The following PDE7B variants were observed in gnomAD, a reference collection of about 807,000 sequenced individuals.
PDE7B encodes phosphodiesterase 7B.
A neutral mutation model predicts 56.2 loss-of-function variants in PDE7B; 29 were observed. That is an observed-to-expected ratio of 0.52 (90% CI 0.38 to 0.70). The LOEUF is 0.70. PDE7B is among the 30% of genes least tolerant of loss of function. The probability of loss-of-function intolerance (pLI) is 0.00; values close to 1 mark genes in which losing one functional copy is unlikely to be tolerated. For missense variants in PDE7B, 490 were observed against 565.0 expected (o/e 0.87, Z 1.35); for synonymous variants, 197 against 196.9 (o/e 1.00, Z 0.00).
At chr6:136,117,065 C>T (rs766938212) in intron 3 of PDE7B, 9 of 152,192 alleles carry the variant, frequency 5.9e-5, no homozygotes, top group Non-Finnish European at 1.2e-4. Flanking sequence ...GATTTGCTAA[C>T]TCACCTGAAC....
rs114884977 is a variant in PDE7B, at chr6:135,993,359, T to C, written c.82+45835T>C. Among the ~76,000 whole-genome samples the C allele has an allele frequency of 9.1e-3, 1,382 of 152,316 alleles. 14 individuals carry two copies. Among genetic ancestry groups the C allele is most frequent in the Middle Eastern group, 0.034 (10 of 294 alleles). On this transcript the variant is annotated intron_variant, in intron 2 of 12. Coordinates refer to ENST00000308191, the MANE Select transcript of PDE7B (RefSeq NM_018945.4). ...CATCGTTTTCAAGCCTGGCTAACCC[T>C]TGGAATTACCTGGGAAGATTTTTAA...
At chr6:136,090,990 C>G (rs1338657280) in intron 2 of PDE7B, among the ~76,000 whole-genome samples, 1 of 152,178 alleles carries the variant, frequency 6.6e-6, no homozygotes, top group African/African-American at 2.4e-5. Flanking sequence ...GTCCAAATTC[C>G]AACAGGACAC....
At chr6:135,940,560 A>G (rs933919998) in intron 1 of PDE7B, among the ~76,000 whole-genome samples, 3 of 152,230 alleles carry the variant, frequency 2.0e-5, no homozygotes, top group East Asian at 1.9e-4. Flanking sequence ...GTTTCTTAAC[A>G]GGAGATATCT....
chr6:135,986,550 C>T (rs989551189), intron 2 of PDE7B, among the ~76,000 whole-genome samples: 1 of 152,146 alleles, frequency 6.6e-6, no homozygotes. Flanking sequence ...CATCCTAGCT[C>T]GATGGATCCC....
At chr6:135,917,454 A>G (rs1324361939) in intron 1 of PDE7B, among the ~76,000 whole-genome samples, 14 of 152,028 alleles carry the variant, frequency 9.2e-5, no homozygotes, top group Admixed American at 9.2e-4. Flanking sequence ...GTTGTGTTTT[A>G]CAGTTTCCAG....
rs367955082 is a variant in PDE7B, at chr6:136,118,974, T to C, written c.166+10160T>C. Among the ~76,000 whole-genome samples the C allele has an allele frequency of 5.3e-5, 8 of 152,290 alleles. No individual in the cohort carries two copies. In the East Asian group the frequency reaches 1.4e-3, roughly 26 times the overall value. ...AGACGCCAAATGACAGACTGCACAT[T>C]TCATCGCCTGACCTTGTGTTCTTTG... On this transcript the variant is annotated intron_variant, in intron 3 of 12. Coordinates refer to ENST00000308191, the MANE Select transcript of PDE7B (RefSeq NM_018945.4).
intron 2 of PDE7B, among the ~76,000 whole-genome samples, chr6:135,990,535 C>G (rs80232977): frequency 6.6e-5 from 10 of 152,182 alleles, no homozygotes; most frequent in Admixed American, 6.5e-4. Context: ...GCTCTTGAAA[C>G]AGAACCTGCT....
chr6:136,193,614 TTTTAC>T lies in PDE7B; in HGVS notation c.*1779_*1783del, dbSNP rs1364020894. 6.6e-6 allele frequency: 1 copy of T among 152,234 alleles called. No homozygotes were observed. Among genetic ancestry groups the T allele is most frequent in the African/African-American group, 2.4e-5 (1 of 41,466 alleles). 9.4% of individuals were successfully genotyped at this position (152,234 alleles called of 1,614,324 possible). ...ATGAAAATTGTTGATGCCCCTTTCTTTTTACTTTAAACAATGTGGTAGTGGGAGAA... is the reference window on the plus strand; with the variant it reads ...ATGAAAATTGTTGATGCCCCTTTCTTTTTAAACAATGTGGTAGTGGGAGAA... On this transcript the variant is annotated 3_prime_UTR_variant, in exon 13 of 13. Transcript: ENST00000308191.
chr6:136,105,067 T>C (rs897343984), intron 2 of PDE7B, among the ~76,000 whole-genome samples: 3 of 152,218 alleles, frequency 2.0e-5, no homozygotes. Flanking sequence ...TAATTTCAGT[T>C]CTGCTGAAGA....
intron 1 of PDE7B, among the ~76,000 whole-genome samples, chr6:135,942,623 C>T (rs1774525088): frequency 2.0e-5 from 3 of 151,864 alleles, no homozygotes. Flanking sequence ...AATATTTTAC[C>T]AATATTTCTT....
intron 11 of PDE7B, among the ~76,000 whole-genome samples, chr6:136,183,453 G>A (rs754770474): frequency 1.2e-4 from 18 of 151,704 alleles, no homozygotes; most frequent in Non-Finnish European, 1.0e-4. Context: ...AAAATTAGCC[G>A]GGCATGGTGG....
At chr6:136,143,078 G>A (rs1778354904) in intron 3 of PDE7B, among the ~76,000 whole-genome samples, 1 of 152,176 alleles carries the variant, frequency 6.6e-6, no homozygotes, top group South Asian at 2.1e-4. Flanking sequence ...TGTTTTTGCA[G>A]TGGCTGGTAC....
intron 2 of PDE7B, among the ~76,000 whole-genome samples, chr6:136,005,987 A>C (rs1441678617): frequency 6.6e-6 from 1 of 151,894 alleles, no homozygotes; most frequent in African/African-American, 2.4e-5. Flanking sequence ...TGGATTAAGA[A>C]AATGTGGCAC....
At chr6:135,859,304 T>C (rs1442804532) in intron 1 of PDE7B, among the ~76,000 whole-genome samples, 1 of 152,094 alleles carries the variant, frequency 6.6e-6, no homozygotes, top group African/African-American at 2.4e-5. Flanking sequence ...TGAGTGTTCA[T>C]GCTTTTCCAA....
Position 136,063,597 on chromosome 6 carries a change from T to A in PDE7B, c.83-45134T>A, listed in dbSNP as rs535195874. On this transcript the variant is annotated intron_variant, in intron 2 of 12. Coordinates refer to ENST00000308191, the MANE Select transcript of PDE7B (RefSeq NM_018945.4). ...TTCCAAGGCACAGCTCTGCTTATGC[T>A]ATTCTCTGGGAAATCTTCCCGTGGC... Among the ~76,000 whole-genome samples the A allele has an allele frequency of 4.4e-4, 67 of 152,338 alleles. 3 individuals carry two copies. In the South Asian group the frequency reaches 0.013, roughly 31 times the overall value.
chr6:136,116,002 C>G (rs1231482345), intron 3 of PDE7B, among the ~76,000 whole-genome samples: 1 of 152,280 alleles, frequency 6.6e-6, no homozygotes, highest in South Asian at 2.1e-4. Context: ...TTCTGCTACC[C>G]TCAAAGAGCA....
At chr6:135,948,874 G>C (rs974195724) in intron 2 of PDE7B, among the ~76,000 whole-genome samples, 2 of 147,430 alleles carry the variant, frequency 1.4e-5, no homozygotes, top group African/African-American at 2.6e-5. Context: ...TAGATAGATA[G>C]ATAGATAGAT....
At chr6:135,968,938 A>G (rs900312974) in intron 2 of PDE7B, among the ~76,000 whole-genome samples, 1 of 152,218 alleles carries the variant, frequency 6.6e-6, no homozygotes, top group African/African-American at 2.4e-5. Flanking sequence ...CATATACACC[A>G]TGGAATACTA....
intron 8 of PDE7B, among the ~76,000 whole-genome samples, 163 bp from the exon 9 acceptor site, chr6:136,173,634 C>A (rs1307711089): frequency 6.6e-6 from 1 of 152,032 alleles, no homozygotes; most frequent in Non-Finnish European, 1.5e-5. Context: ...GAGACTAGAC[C>A]TCATGGTTGT....
Sources: allele counts gnomAD v4.1 joint callset (sites outside exome capture counted in the v4.1 genomes callset), GRCh38; gene constraint gnomAD v4.1.1; transcripts MANE v1.5; gene names NCBI Gene and HGNC (gene_info 2026-07-23, HGNC 2026-07-21).